Variants in PHF24 observed in about 807,000 individuals in gnomAD.
The protein encoded by PHF24 is Galpha inhibitory interacting protein.
Under a neutral mutation model 42.6 loss-of-function variants are expected in PHF24, and 25 were observed. The ratio of observed to expected loss-of-function variants is 0.59; its 90% CI spans 0.43 to 0.82. The LOEUF (loss-of-function observed/expected upper bound fraction) is 0.82, where lower values mean the gene tolerates loss of function less well. Ranked by LOEUF, PHF24 falls within the 40% of genes least tolerant of loss-of-function variation. The pLI is 0.00. For missense variants in PHF24, 470 were observed against 538.1 expected, an observed-to-expected ratio of 0.87 and a Z score of 1.25; for synonymous variants, 185 against 204.8, an observed-to-expected ratio of 0.90 and a Z score of 0.83.
At chr9:34,728,786 G>T in the PHF24 span, 1 of 841,638 alleles carries the variant, frequency 1.2e-6, no homozygotes, top group Non-Finnish European at 1.9e-6. Flanking sequence ...CACTCTCCTG[G>T]ACTTCCTTTG....
At chr9:34,683,168 C>T in the PHF24 span, among the ~76,000 whole-genome samples, 2 of 151,810 alleles carry the variant, frequency 1.3e-5, no homozygotes, top group Non-Finnish European at 2.9e-5. Flanking sequence ...TCAAGAGATT[C>T]TCCTGCCTCA....
At chr9:34,821,398 G>A in the PHF24 span, among the ~76,000 whole-genome samples, 1 of 152,190 alleles carries the variant, frequency 6.6e-6, no homozygotes, top group East Asian at 1.9e-4. Flanking sequence ...GTGTCATTTT[G>A]GACGAGTTGA....
At chr9:34,872,602 A>G in the PHF24 span, among the ~76,000 whole-genome samples, 401 of 142,026 alleles carry the variant, frequency 2.8e-3, 3 homozygotes, top group African/African-American at 9.6e-3. Flanking sequence ...AATCCAGTCT[A>G]TCATTGTTGG....
At chr9:34,971,333 A>G in exon 2 of PHF24, 1 of 1,611,444 alleles carries the variant, frequency 6.2e-7, no homozygotes. Flanking sequence ...CAGACAGTGG[A>G]GCAGGTGCAG....
the PHF24 span, among the ~76,000 whole-genome samples, chr9:34,800,699 C>T: frequency 6.6e-6 from 1 of 152,046 alleles, no homozygotes; most frequent in Admixed American, 6.6e-5. Context: ...ATGTAAAACT[C>T]AAAACCATAA....
chr9:34,700,817 G>A, the PHF24 span, among the ~76,000 whole-genome samples: 2 of 152,130 alleles, frequency 1.3e-5, no homozygotes, highest in Non-Finnish European at 2.9e-5. Flanking sequence ...CAGGAATCAG[G>A]GAAGGAGGTG....
At chr9:34,914,510 T>C in the PHF24 span, among the ~76,000 whole-genome samples, 1 of 152,194 alleles carries the variant, frequency 6.6e-6, no homozygotes, top group Non-Finnish European at 1.5e-5. Flanking sequence ...TCGTCTTCTC[T>C]TATAATGTCT....
At chr9:34,677,387 C>CTTTTTTTTTTTTTTTTTTTTT in the PHF24 span, among the ~76,000 whole-genome samples, 1 of 110,944 alleles carries the variant, frequency 9.0e-6, no homozygotes, top group African/African-American at 3.6e-5. Context: ...TCTTTGTAAA[C>CTTTTTTTTTTTTTTTTTTTTT]TGTTTTTTTT....
chr9:34,815,909 G>A, the PHF24 span, among the ~76,000 whole-genome samples: 2 of 152,028 alleles, frequency 1.3e-5, no homozygotes, highest in Non-Finnish European at 2.9e-5. Flanking sequence ...TGCTCCTCAG[G>A]GGACAGGTTT....
chr9:34,851,718 G>A, the PHF24 span, among the ~76,000 whole-genome samples: 271 of 152,240 alleles, frequency 1.8e-3, 2 homozygotes, highest in African/African-American at 6.3e-3. Context: ...GCTGTAGACC[G>A]GAGCTGTTCC....
At chr9:34,898,156 G>A in the PHF24 span, among the ~76,000 whole-genome samples, 4 of 152,184 alleles carry the variant, frequency 2.6e-5, no homozygotes, top group Admixed American at 6.5e-5. Flanking sequence ...TATCTTTTTC[G>A]AATAATGGCT....
chr9:34,970,019 G>A (rs1037658049), intron 1 of PHF24, among the ~76,000 whole-genome samples: 1 of 152,184 alleles, frequency 6.6e-6, no homozygotes, highest in African/African-American at 2.4e-5. Flanking sequence ...TAGCTTGAGT[G>A]GTGAGACTGT....
chr9:34,946,092 G>A, the PHF24 span, among the ~76,000 whole-genome samples: 2 of 152,326 alleles, frequency 1.3e-5, no homozygotes, highest in African/African-American at 4.8e-5. Flanking sequence ...TCTGCAGTAG[G>A]AGATAGGAAA....
At chr9:34,928,340 T>C in the PHF24 span, among the ~76,000 whole-genome samples, 1 of 151,662 alleles carries the variant, frequency 6.6e-6, no homozygotes, top group Non-Finnish European at 1.5e-5. Context: ...AAAGGATAAA[T>C]ACTTAAGGGA....
At chr9:34,945,453 CAGAA>C in the PHF24 span, among the ~76,000 whole-genome samples, 1 of 152,114 alleles carries the variant, frequency 6.6e-6, no homozygotes, top group African/African-American at 2.4e-5. Context: ...GTAGGTGAGA[CAGAA>C]AGAAAGAAGG....
the PHF24 span, among the ~76,000 whole-genome samples, chr9:34,845,670 A>T: frequency 2.0e-5 from 3 of 151,840 alleles, no homozygotes; most frequent in African/African-American, 2.4e-5. Flanking sequence ...ACATATGTAT[A>T]CATGTGCCAT....
chr9:34,900,830 T>C, the PHF24 span, among the ~76,000 whole-genome samples: 1 of 152,176 alleles, frequency 6.6e-6, no homozygotes, highest in African/African-American at 2.4e-5. Flanking sequence ...CTCTTCTGCT[T>C]TTCTGCCCTT....
At chr9:34,785,063 T>A in the PHF24 span, among the ~76,000 whole-genome samples, 2 of 152,222 alleles carry the variant, frequency 1.3e-5, no homozygotes, top group Admixed American at 1.3e-4. Context: ...TGCCACAGAC[T>A]GGGTAATTTA....
At chr9:34,852,016 G>T in the PHF24 span, among the ~76,000 whole-genome samples, 3 of 151,988 alleles carry the variant, frequency 2.0e-5, no homozygotes, top group African/African-American at 7.3e-5. Flanking sequence ...CTTATTTGTG[G>T]ATTTTCTTCT....
Sources: gnomAD v4.1 joint callset for allele counts (sites outside exome capture counted in the v4.1 genomes callset) on GRCh38, gnomAD v4.1.1 for gene constraint, MANE v1.5 for transcripts, NCBI Gene and HGNC (gene_info 2026-07-23, HGNC 2026-07-21) for gene names.